Variants in SEPTIN7 observed in about 807,000 individuals in gnomAD.
SEPTIN7 encodes the protein septin 7, also known as septin-7.
SEPTIN7 carries 10 observed loss-of-function variants against 63.3 expected under a neutral mutation model. That is an observed-to-expected ratio of 0.16 (90% CI 0.10 to 0.27). The LOEUF (loss-of-function observed/expected upper bound fraction) is 0.27. Ranked by LOEUF, SEPTIN7 falls within the 10% of genes least tolerant of loss-of-function variation. SEPTIN7 has a pLI of 1.00. For missense variants in SEPTIN7, 310 were observed against 521.0 expected (o/e 0.59, Z 3.94); for synonymous variants, 131 against 165.3 (o/e 0.79, Z 1.59).
chr7:35,898,501 C>T (rs1788092017), intron 12 of SEPTIN7, 118 bp downstream of exon 12: 3 of 608,806 alleles, frequency 4.9e-6, no homozygotes, highest in Non-Finnish European at 8.4e-6. Context: ...AATTAATACC[C>T]TAGTGTAACA....
chr7:35,823,083 A>C (rs1783310606), intron 1 of SEPTIN7, among the ~76,000 whole-genome samples: 1 of 152,136 alleles, frequency 6.6e-6, no homozygotes, highest in African/African-American at 2.4e-5. Context: ...GGGAAGAAAA[A>C]ATATTTAAAA....
chr7:35,886,541 G>A (rs1212108039), intron 10 of SEPTIN7, among the ~76,000 whole-genome samples: 1 of 152,106 alleles, frequency 6.6e-6, no homozygotes, highest in African/African-American at 2.4e-5. Flanking sequence ...AACAGAAAGG[G>A]CATCAAAATG....
At position 35,906,286 on chromosome 7, in the gene SEPTIN7, G is replaced by GGCAT. The variant is rs753720612; in HGVS notation, c.*1996_*1999dup. On this transcript the variant is annotated 3_prime_UTR_variant, in exon 14 of 14. Coordinates refer to ENST00000350320, the MANE Select transcript of SEPTIN7 (RefSeq NM_001788.6). The stretch of plus-strand genomic sequence containing the variant: ...CTTTCAGAAGTCTTTCTTTATCCAT[G>GGCAT]GCATGCCCAGGGTTTTACCTGAATC... 2.0e-5 allele frequency: 3 copies of GGCAT among 152,006 alleles called. No homozygotes were observed. Among genetic ancestry groups the GGCAT allele is most frequent in the Non-Finnish European group, 4.4e-5 (3 of 68,004 alleles). 9.4% of individuals were successfully genotyped at this position (152,006 alleles called of 1,614,324 possible).
chr7:35,841,003 G>A (rs955176535), intron 3 of SEPTIN7, among the ~76,000 whole-genome samples: 4 of 152,138 alleles, frequency 2.6e-5, no homozygotes, highest in African/African-American at 9.7e-5. Flanking sequence ...CTTAAATCCA[G>A]TGTCTTAATC....
intron 1 of SEPTIN7, among the ~76,000 whole-genome samples, chr7:35,829,635 A>G (rs978615319): frequency 6.6e-6 from 1 of 152,206 alleles, no homozygotes; most frequent in Non-Finnish European, 1.5e-5. Context: ...CTTTGAAACT[A>G]CTGGTGCAAC....
chr7:35,812,128 CA>C (rs57121305), intron 1 of SEPTIN7: 55,420 of 115,868 alleles, frequency 0.48, 9,218 homozygotes, highest in African/African-American at 0.61. Context: ...GTCTCCAAAA[CA>C]AAAAAAAAAA....
intron 3 of SEPTIN7, among the ~76,000 whole-genome samples, chr7:35,845,011 C>T (rs1002400178): frequency 2.1e-4 from 32 of 152,106 alleles, no homozygotes; most frequent in African/African-American, 7.2e-4. Flanking sequence ...ATTGCTTGAG[C>T]CTAGGGGTTC....
intron 12 of SEPTIN7, 25 bp from the exon 13 acceptor site, chr7:35,903,051 T>A (rs1036422607): frequency 3.3e-6 from 5 of 1,528,066 alleles, no homozygotes; most frequent in Admixed American, 2.3e-5. Context: ...AATAGTTTTG[T>A]TTTATATATT....
rs1013794330 is a variant in SEPTIN7 at position 35,906,074 on chromosome 7, A to T, written c.*1781A>T. 2 of 152,082 alleles carry T rather than the reference A, an allele frequency of 1.3e-5. No individual in the cohort carries two copies. The highest frequency in any genetic ancestry group is 2.9e-5 in the Non-Finnish European group (2 of 68,004). 9.4% of individuals were successfully genotyped at this position (152,082 alleles called of 1,614,324 possible). A position where few individuals can be genotyped will look rare whatever the true frequency, so the allele number is the denominator to read the frequency against. The stretch of plus-strand genomic sequence containing the variant: ...AGATTGGGTTAACACCTCTAGCCAA[A>T]ATTGTTTGGTTTTAGGGAGGCTAAC... On this transcript the variant is annotated 3_prime_UTR_variant, in exon 14 of 14. Transcript: ENST00000350320.
intron 3 of SEPTIN7, among the ~76,000 whole-genome samples, chr7:35,855,173 A>G (rs1785146398): frequency 2.6e-5 from 4 of 152,164 alleles, no homozygotes; most frequent in Admixed American, 2.6e-4. Context: ...TATAAGTACT[A>G]TTCTGTGAAT....
rs376516764 is a variant in SEPTIN7, at chr7:35,882,599, G to A, written c.723+23G>A. On this transcript the variant is annotated intron_variant, in intron 8 of 13. Coordinates refer to ENST00000350320, the MANE Select transcript of SEPTIN7 (RefSeq NM_001788.6). ...AAGGTAGGTTCATCCCTGTACACAC[G>A]CTAAAGTAATCTGAGGCCTTAAAAA... 1.7e-4 allele frequency: 230 copies of A among 1,342,568 alleles called. 1 individual carries two copies. The African/African-American group carries it at 3.2e-3, about 19-fold the overall frequency. The allele number at this position is 1,342,568 out of a possible 1,614,324, so 83.2% of individuals were successfully genotyped here. A position where few individuals can be genotyped will look rare whatever the true frequency, so the allele number is the denominator to read the frequency against.
At chr7:35,883,592 C>A (rs1266679173) in intron 8 of SEPTIN7, among the ~76,000 whole-genome samples, 2 of 148,530 alleles carry the variant, frequency 1.3e-5, no homozygotes, top group African/African-American at 4.9e-5. Flanking sequence ...TTTATCCCCC[C>A]CCAGGTATGG....
At chr7:35,869,166 G>A (rs1785993280) in intron 4 of SEPTIN7, among the ~76,000 whole-genome samples, 1 of 152,172 alleles carries the variant, frequency 6.6e-6, no homozygotes, top group East Asian at 1.9e-4. Flanking sequence ...AATGAGAGGG[G>A]CAAGGGATTT....
At chr7:35,895,816 T>C (rs562297121) in intron 11 of SEPTIN7, among the ~76,000 whole-genome samples, 1 of 152,284 alleles carries the variant, frequency 6.6e-6, no homozygotes, top group Admixed American at 6.5e-5. Context: ...TAAATGAAGA[T>C]ATTTTTTTCT....
intron 3 of SEPTIN7, among the ~76,000 whole-genome samples, chr7:35,850,825 A>G (rs1784920514): frequency 6.6e-6 from 1 of 152,148 alleles, no homozygotes; most frequent in Admixed American, 6.5e-5. Flanking sequence ...TCGTTCATTT[A>G]TTTGATAAAA....
chr7:35,832,705 A>C, intron 2 of SEPTIN7, 93 bp from the exon 3 acceptor site: 2 of 783,348 alleles, frequency 2.6e-6, no homozygotes. Flanking sequence ...TAATAGTATA[A>C]TTTTCTAAAA....
intron 12 of SEPTIN7, 161 bp from the exon 13 acceptor site, chr7:35,902,915 G>A: frequency 9.1e-7 from 1 of 1,099,562 alleles, no homozygotes; most frequent in Non-Finnish European, 1.2e-6. Flanking sequence ...CCTAAAGGAG[G>A]AGGAGTCCTT....
At chr7:35,907,889 A>C (rs1182198336), downstream of SEPTIN7, among the ~76,000 whole-genome samples, 1 of 152,198 alleles carries the variant, frequency 6.6e-6, no homozygotes, top group Admixed American at 6.5e-5. Context: ...TGAGGATTAC[A>C]TTGTGACTGC....
At chr7:35,856,153 T>A (rs184000351) in intron 3 of SEPTIN7, among the ~76,000 whole-genome samples, 19 of 152,358 alleles carry the variant, frequency 1.2e-4, no homozygotes, top group African/African-American at 4.6e-4. Context: ...CATACTCTTA[T>A]ACTAATTTGA....
Sources: gnomAD v4.1 joint callset for allele counts (sites outside exome capture counted in the v4.1 genomes callset) on GRCh38, gnomAD v4.1.1 for gene constraint, MANE v1.5 for transcripts, NCBI Gene and HGNC (gene_info 2026-07-23, HGNC 2026-07-21) for gene names.